Variants in RPGRIP1L observed in about 807,000 individuals in gnomAD.
The protein encoded by RPGRIP1L is RPGRIP1 like.
In RPGRIP1L, 131 loss-of-function variants were observed where a neutral mutation model predicts 160.4. The ratio of observed to expected loss-of-function variants is 0.82; its 90% CI spans 0.71 to 0.94. The LOEUF is 0.94. Ranked by LOEUF, RPGRIP1L falls within the 40% of genes least tolerant of loss-of-function variation. The pLI is 0.00. For synonymous variants in RPGRIP1L, 510 were observed against 515.8 expected (o/e 0.99, Z 0.15); for missense variants, 1,522 against 1,535.8 (o/e 0.99, Z 0.15).
At chr16:53,646,480 T>C (rs1966555705) in intron 16 of RPGRIP1L, among the ~76,000 whole-genome samples, 1 of 152,030 alleles carries the variant, frequency 6.6e-6, no homozygotes. Flanking sequence ...AAAGTCTAAC[T>C]GTTACGAGAA....
chr16:53,698,604 G>A (rs1447273327), intron 2 of RPGRIP1L, among the ~76,000 whole-genome samples: 4 of 136,836 alleles, frequency 2.9e-5, no homozygotes, highest in Admixed American at 7.0e-5. Flanking sequence ...GCCTCTGCCC[G>A]GCCGCCCCTA....
chr16:53,672,270 A>AAAAAG, intron 8 of RPGRIP1L, among the ~76,000 whole-genome samples: 1 of 152,244 alleles, frequency 6.6e-6, no homozygotes, highest in African/African-American at 2.4e-5. Context: ...TGTGGATCAG[A>AAAAAG]TTACTCTTTA....
rs767686945 is a variant in RPGRIP1L at position 53,638,432 on chromosome 16, C to T, written c.2959-21G>A. 9.7e-5 allele frequency: 118 copies of T among 1,220,886 alleles called. 1 individual carries two copies. The highest frequency in any genetic ancestry group is 9.6e-4 in the South Asian group (80 of 82,964). The allele number at this position is 1,220,886 out of a possible 1,614,324, so 75.6% of individuals were successfully genotyped here. ...GTCTCCTTATATTAATGTGAAAACA[C>T]GCATGTATGTCATTTTTTATTTATT... On this transcript the variant is annotated intron_variant, in intron 19 of 26. Coordinates refer to ENST00000647211, the MANE Select transcript of RPGRIP1L (RefSeq NM_015272.5).
chr16:53,692,391 G>A, intron 3 of RPGRIP1L, 27 bp from the exon 4 acceptor site: 1 of 1,601,074 alleles, frequency 6.2e-7, no homozygotes, highest in Non-Finnish European at 8.6e-7. Context: ...AAGATGAAAA[G>A]GAATGTGAGA....
At chr16:53,696,459 T>G (rs1447904388) in intron 2 of RPGRIP1L, among the ~76,000 whole-genome samples, 164 bp from the exon 3 acceptor site, 1 of 152,210 alleles carries the variant, frequency 6.6e-6, no homozygotes, top group African/African-American at 2.4e-5. Flanking sequence ...CATCAATTAT[T>G]TAAGGTGAGA....
chr16:53,657,774 G>GAT (rs1967393900), intron 12 of RPGRIP1L, 142 bp from the exon 13 acceptor site: 4 of 598,506 alleles, frequency 6.7e-6, no homozygotes, highest in African/African-American at 3.7e-5. Flanking sequence ...AGGAAGTCCT[G>GAT]ATATATATAT....
At chr16:53,628,917 C>T (rs1027506908) in intron 22 of RPGRIP1L, 3 of 151,912 alleles carry the variant, frequency 2.0e-5, no homozygotes, top group African/African-American at 7.3e-5. Context: ...GCCCTAATAT[C>T]AAATTAATCT....
intron 15 of RPGRIP1L, among the ~76,000 whole-genome samples, chr16:53,652,101 C>T (rs1045358293): frequency 2.0e-5 from 3 of 151,740 alleles, no homozygotes; most frequent in Admixed American, 1.3e-4. Context: ...GATGGAAGAG[C>T]GAAAGCTCTT....
intron 22 of RPGRIP1L, chr16:53,628,516 A>G (rs1965317187): frequency 1.3e-5 from 2 of 152,146 alleles, no homozygotes; most frequent in South Asian, 4.1e-4. Flanking sequence ...TGTGCATCAA[A>G]TCCACTCCTC....
At chr16:53,657,316 T>C in intron 13 of RPGRIP1L, 137 bp downstream of exon 13, 1 of 620,450 alleles carries the variant, frequency 1.6e-6, no homozygotes, top group Non-Finnish European at 2.8e-6. Flanking sequence ...GTTATAAGGC[T>C]ACATTCCAGA....
chr16:53,635,784 C>T (rs1002930074), intron 22 of RPGRIP1L, among the ~76,000 whole-genome samples: 2 of 152,114 alleles, frequency 1.3e-5, no homozygotes, highest in African/African-American at 4.8e-5. Context: ...GAGCTTTTTA[C>T]TCTACTTACA....
intron 6 of RPGRIP1L, among the ~76,000 whole-genome samples, chr16:53,680,354 A>T (rs1969511810): frequency 6.6e-6 from 1 of 152,114 alleles, no homozygotes; most frequent in African/African-American, 2.4e-5. Context: ...CCCCTCCATC[A>T]GAGAACCAGA....
intron 6 of RPGRIP1L, among the ~76,000 whole-genome samples, chr16:53,682,053 T>C (rs1969651909): frequency 6.6e-6 from 1 of 152,210 alleles, no homozygotes; most frequent in Non-Finnish European, 1.5e-5. Context: ...CATATAAAAT[T>C]ATAAGCTATG....
At position 53,601,918 on chromosome 16, in the gene RPGRIP1L, A is replaced by C. The variant is rs912766771; in HGVS notation, c.*158T>G. 3.1e-6 allele frequency: 2 copies of C among 642,986 alleles called. No homozygotes were observed. Among genetic ancestry groups the C allele is most frequent in the African/African-American group, 3.6e-5 (2 of 55,042 alleles). The allele number at this position is 642,986 out of a possible 1,614,324, so 39.8% of individuals were successfully genotyped here. On this transcript the variant is annotated 3_prime_UTR_variant, in exon 27 of 27. Coordinates refer to ENST00000647211, the MANE Select transcript of RPGRIP1L (RefSeq NM_015272.5). ...GAATAGAGAAATAAACAAATGAAAA[A>C]GTATACAAAACTTCAACACTTCAAA... is the stretch of plus-strand genomic sequence containing the variant.
intron 17 of RPGRIP1L, among the ~76,000 whole-genome samples, chr16:53,643,667 C>G (rs1303452435): frequency 6.6e-6 from 1 of 152,092 alleles, no homozygotes. Flanking sequence ...AAAAAAGAAA[C>G]AAAACTTAGC....
At chr16:53,612,493 T>C (rs1964114999) in intron 24 of RPGRIP1L, among the ~76,000 whole-genome samples, 1 of 151,382 alleles carries the variant, frequency 6.6e-6, no homozygotes. Flanking sequence ...AATGGGATTT[T>C]TTTTTTTTTT....
At chr16:53,606,767 C>T (rs1338218301) in intron 25 of RPGRIP1L, among the ~76,000 whole-genome samples, 1 of 152,100 alleles carries the variant, frequency 6.6e-6, no homozygotes, top group Non-Finnish European at 1.5e-5. Flanking sequence ...GTGCCCGCCA[C>T]CACATCTGGC....
At chr16:53,646,266 G>C (rs1966540620) in intron 16 of RPGRIP1L, among the ~76,000 whole-genome samples, 1 of 152,076 alleles carries the variant, frequency 6.6e-6, no homozygotes, top group Non-Finnish European at 1.5e-5. Flanking sequence ...ATAAAACCAA[G>C]AAAAATGTTA....
chr16:53,657,162 C>T (rs1967326472), intron 13 of RPGRIP1L, among the ~76,000 whole-genome samples: 2 of 151,976 alleles, frequency 1.3e-5, no homozygotes, highest in Admixed American at 1.3e-4. Flanking sequence ...ATCACTTGAA[C>T]CTGGGAGGCG....
Sources: allele counts gnomAD v4.1 joint callset (sites outside exome capture counted in the v4.1 genomes callset), GRCh38; gene constraint gnomAD v4.1.1; transcripts MANE v1.5; gene names NCBI Gene and HGNC (gene_info 2026-07-23, HGNC 2026-07-21).